Variants in TMEM114 observed in about 807,000 individuals in gnomAD.
The protein encoded by TMEM114 is claudin-26.
In TMEM114, 6 loss-of-function variants were observed where a neutral mutation model predicts 6.2. The ratio of observed to expected loss-of-function variants is 0.97; its 90% CI spans 0.53 to 1.91. The LOEUF is 1.91. Ranked by LOEUF, TMEM114 falls within the 40% of genes most tolerant of loss-of-function variation. The pLI is 0.01. For synonymous variants in TMEM114, 104 were observed against 73.0 expected (o/e 1.42, Z -2.16); for missense variants, 218 against 158.3 (o/e 1.38, Z -2.02).
intron 2 of TMEM114, among the ~76,000 whole-genome samples, chr16:8,588,739 C>T (rs1291228224): frequency 6.6e-6 from 1 of 152,224 alleles, no homozygotes; most frequent in Non-Finnish European, 1.5e-5. Context: ...CACCCCACTA[C>T]TGCAAAGCCC....
chr16:8,561,868 A>G (rs979825568), intron 2 of TMEM114, among the ~76,000 whole-genome samples: 88 of 122,488 alleles, frequency 7.2e-4, no homozygotes, highest in African/African-American at 2.5e-3. Context: ...GAGTGAGGGA[A>G]TGAGTGAGTG....
At chr16:8,544,728 A>C (rs986656982) in intron 2 of TMEM114, among the ~76,000 whole-genome samples, 2 of 152,246 alleles carry the variant, frequency 1.3e-5, no homozygotes, top group African/African-American at 4.8e-5. Context: ...TTGACTGAGA[A>C]AACACATGAC....
chr16:8,582,862 A>G (rs6501164), intron 2 of TMEM114, among the ~76,000 whole-genome samples: 63,107 of 151,786 alleles, frequency 0.42, 13,418 homozygotes, highest in Middle Eastern at 0.49. Context: ...TCTCAGCACT[A>G]CACTCCAGCC....
At chr16:8,559,193 C>T (rs1421363355) in intron 2 of TMEM114, among the ~76,000 whole-genome samples, 3 of 152,018 alleles carry the variant, frequency 2.0e-5, no homozygotes, top group Non-Finnish European at 2.9e-5. Context: ...TACGCATGCG[C>T]CACTACGCCC....
intron 2 of TMEM114, among the ~76,000 whole-genome samples, chr16:8,561,880 A>ATAAG (rs1901223864): frequency 2.9e-5 from 4 of 139,492 alleles, no homozygotes; most frequent in Non-Finnish European, 4.8e-5. Flanking sequence ...GAGTGAGTGA[A>ATAAG]TGAGTGAGTG....
At chr16:8,544,952 C>A (rs544316948) in intron 2 of TMEM114, among the ~76,000 whole-genome samples, 11 of 150,854 alleles carry the variant, frequency 7.3e-5, no homozygotes, top group East Asian at 5.8e-4. Flanking sequence ...CCACCTCCCC[C>A]CAACCCCGTA....
intron 2 of TMEM114, among the ~76,000 whole-genome samples, chr16:8,578,778 A>C (rs1434824736): frequency 6.6e-6 from 1 of 152,130 alleles, no homozygotes; most frequent in Non-Finnish European, 1.5e-5. Context: ...TAGAAGTTCA[A>C]AACTAGCCTG....
At chr16:8,554,353 C>G (rs184973438) in intron 2 of TMEM114, among the ~76,000 whole-genome samples, 10 of 151,986 alleles carry the variant, frequency 6.6e-5, no homozygotes, top group Non-Finnish European at 1.3e-4. Context: ...ACCAGGAGTT[C>G]AAGACTGCAG....
At position 8,562,936 on chromosome 16, in the gene TMEM114, ATTAGTGAGTAAATGAGTGAG is replaced by A. The variant is rs1567202574; in HGVS notation, n.213-25130_213-25111del. On this transcript the variant is annotated intron_variant and non_coding_transcript_variant, in intron 2 of 2. Transcript: ENST00000623677. ...AATGAGTAAATGAGTGAGTGAGTGA[ATTAGTGAGTAAATGAGTGAG>A]TGAATGAGTGAGAGAGTGATGGAGG... is the stretch of plus-strand genomic sequence containing the variant. Among the ~76,000 whole-genome samples, 307 of 72,952 alleles carry A rather than the reference ATTAGTGAGTAAATGAGTGAG, an allele frequency of 4.2e-3. 4 individuals carry two copies. Among genetic ancestry groups the A allele is most frequent in the Middle Eastern group, 0.024 (2 of 84 alleles). 47.9% of individuals were successfully genotyped at this position (72,952 alleles called of 152,430 possible).
At chr16:8,531,852 G>A in the TMEM114 span, 1 of 152,230 alleles carries the variant, frequency 6.6e-6, no homozygotes, top group South Asian at 2.1e-4. Context: ...TAATGGAAAG[G>A]GATGTAAAAT....
intron 2 of TMEM114, among the ~76,000 whole-genome samples, chr16:8,543,247 T>A (rs1201915584): frequency 5.3e-5 from 8 of 152,180 alleles, no homozygotes; most frequent in Non-Finnish European, 1.2e-4. Flanking sequence ...TGTTCATTTT[T>A]AAACACATAA....
the TMEM114 span, among the ~76,000 whole-genome samples, chr16:8,528,606 C>T: frequency 6.6e-6 from 1 of 152,196 alleles, no homozygotes; most frequent in African/African-American, 2.4e-5. Context: ...TCTCTTCACT[C>T]TGTTAACATA....
intron 2 of TMEM114, among the ~76,000 whole-genome samples, chr16:8,539,974 T>C (rs1441292507): frequency 6.6e-6 from 1 of 152,034 alleles, no homozygotes; most frequent in Non-Finnish European, 1.5e-5. Flanking sequence ...CATGCCACCA[T>C]GCCTGGCTGA....
In TMEM114 at chr16:8,549,176, C is replaced by T. The variant is rs145719010; in HGVS notation, n.213-11350G>A. 5.7e-3 allele frequency among the ~76,000 whole-genome samples: 553 copies of T among 96,672 alleles called. 11 individuals are homozygous for T. In the East Asian group the frequency reaches 0.069, roughly 12 times the overall value. 63.4% of individuals were successfully genotyped at this position (96,672 alleles called of 152,430 possible). On this transcript the variant is annotated intron_variant and non_coding_transcript_variant, in intron 2 of 2. Coordinates refer to the TMEM114 transcript ENST00000623677. Reference sequence around the variant, plus strand: ...CAGCCTGGGCAACAGAACGAGACTCCATCTCAAAAAAAAAAAAAAAAAAAA... The same window carrying T: ...CAGCCTGGGCAACAGAACGAGACTCTATCTCAAAAAAAAAAAAAAAAAAAA...
downstream of TMEM114, among the ~76,000 whole-genome samples, chr16:8,568,863 G>A (rs1198470471): frequency 1.3e-5 from 2 of 152,230 alleles, no homozygotes; most frequent in East Asian, 3.9e-4. Context: ...ATTTTTGGAA[G>A]ATACCCAGGT....
At chr16:8,582,919 AGCAGGGAAGG>A (rs1172667966) in intron 2 of TMEM114, among the ~76,000 whole-genome samples, 5 of 151,268 alleles carry the variant, frequency 3.3e-5, no homozygotes, top group Non-Finnish European at 5.9e-5. Flanking sequence ...GGCAGGGAAG[AGCAGGGAAGG>A]GCAGGGAAGG....
intron 2 of TMEM114, among the ~76,000 whole-genome samples, chr16:8,558,627 C>A (rs764172486): frequency 6.6e-6 from 1 of 152,166 alleles, no homozygotes; most frequent in Non-Finnish European, 1.5e-5. Flanking sequence ...CTTGAACCTC[C>A]AACAGTCCCC....
the TMEM114 span, among the ~76,000 whole-genome samples, chr16:8,527,451 G>A: frequency 6.6e-6 from 1 of 152,112 alleles, no homozygotes; most frequent in Non-Finnish European, 1.5e-5. Flanking sequence ...TGTGAGATGA[G>A]CATAAAATGG....
At chr16:8,527,279 A>G in the TMEM114 span, among the ~76,000 whole-genome samples, 1 of 152,182 alleles carries the variant, frequency 6.6e-6, no homozygotes. Context: ...AACTAAGCTC[A>G]TGAAGCCATG....
Sources: allele counts gnomAD v4.1 joint callset (sites outside exome capture counted in the v4.1 genomes callset), GRCh38; gene constraint gnomAD v4.1.1; transcripts MANE v1.5; gene names NCBI Gene and HGNC (gene_info 2026-07-23, HGNC 2026-07-21).